The following CPT1C variants were observed in gnomAD, a reference collection of about 807,000 sequenced individuals.
CPT1C encodes carnitine palmitoyltransferase 1C.
In CPT1C, 61 loss-of-function variants were observed where a neutral mutation model predicts 97.3. The ratio of observed to expected loss-of-function variants is 0.63; its 90% confidence interval spans 0.51 to 0.78. The LOEUF (loss-of-function observed/expected upper bound fraction) is 0.78. Among genes scored for constraint, CPT1C ranks in the 30% least tolerant of loss-of-function variants. The pLI, the probability that CPT1C is intolerant of heterozygous loss-of-function variation, is 0.00. For synonymous variants in CPT1C, 469 were observed against 447.2 expected, an observed-to-expected ratio of 1.05 and a Z score of -0.61; for missense variants, 975 against 1,065.5, an observed-to-expected ratio of 0.92 and a Z score of 1.18.
At chr19:49,700,264 A>AC (rs1555777714) in intron 4 of CPT1C, among the ~76,000 whole-genome samples, 1 of 105,796 alleles carries the variant, frequency 9.5e-6, no homozygotes, top group African/African-American at 3.7e-5. Context: ...AAACAAAACA[A>AC]AAAAAAAAAC....
Position 49,712,840 on chromosome 19 carries a change from A to G in CPT1C, c.2124A>G (p.Gly708=), listed in dbSNP as rs1313819270. 1.3e-6 allele frequency: 2 copies of G among 1,568,566 alleles called. No individual in the cohort carries two copies. Among genetic ancestry groups the G allele is most frequent in the Non-Finnish European group, 1.7e-6 (2 of 1,165,700 alleles). The change falls in exon 18 of 20, where the codon GGA becomes GGG. Residue 708 remains glycine, a synonymous_variant. Transcript: ENST00000598293. ...NYPDYVSSGG[G]FGPADDHGYG... ...CGGACTATGTTTCCTCAGGCGGTGGATTCGGGCCTGTGAGTGGAGCTGGGC... is the reference window on the plus strand; with the variant it reads ...CGGACTATGTTTCCTCAGGCGGTGGGTTCGGGCCTGTGAGTGGAGCTGGGC...
rs771545088 is a variant in CPT1C, at chr19:49,700,802, G to A, written c.400G>A (p.Gly134Ser). 12 of 1,613,326 alleles carry A rather than the reference G, an allele frequency of 7.4e-6. No individual in the cohort carries two copies. The highest frequency in any genetic ancestry group is 2.2e-5 in the South Asian group (2 of 91,090). ...VALRLLLSYH[G>S]WLLEPHGAMS... ...CCTGAGGCTGCTTCTGTCCTACCAC[G>A]GCTGGCTTCTTGAGCCCCACGGAGC... The change falls in exon 5 of 20, where the codon GGC becomes AGC. Residue 134 changes from glycine to serine, a missense_variant. By Grantham distance (56) the Gly-to-Ser change is moderately conservative. Coordinates refer to ENST00000598293, the MANE Select transcript of CPT1C (RefSeq NM_001199753.2).
chr19:49,712,408 G>C (rs918757269), intron 17 of CPT1C: 1 of 386,834 alleles, frequency 2.6e-6, no homozygotes, highest in South Asian at 3.1e-5. Flanking sequence ...TCAGTTGTGG[G>C]GGGGCGGCAA....
intron 4 of CPT1C, among the ~76,000 whole-genome samples, chr19:49,700,065 G>A (rs935923292): frequency 6.6e-6 from 1 of 151,212 alleles, no homozygotes; most frequent in African/African-American, 2.4e-5. Context: ...GGCTAACACG[G>A]TGAAACCTCA....
intron 7 of CPT1C, among the ~76,000 whole-genome samples, chr19:49,701,919 T>A (rs1255341886): frequency 1.8e-5 from 2 of 110,364 alleles, no homozygotes; most frequent in South Asian, 4.9e-4. Context: ...TTTATATTTA[T>A]ATACAAATAT....
intron 17 of CPT1C, chr19:49,712,272 A>C: frequency 2.9e-6 from 1 of 344,494 alleles, no homozygotes; most frequent in Non-Finnish European, 5.4e-6. Flanking sequence ...TGAACCCGGG[A>C]GGCGGAGGCT....
In CPT1C at chr19:49,707,084, G is replaced by A. The variant is rs142803403; in HGVS notation, c.1344-434G>A. Among the ~76,000 whole-genome samples the A allele has an allele frequency of 7.7e-3, 1,177 of 152,150 alleles. 11 individuals are homozygous for A. Among genetic ancestry groups the A allele is most frequent in the African/African-American group, 0.027 (1,128 of 41,502 alleles). ...GAGATCAGGAGTTTGAGACCAGCCT[G>A]GCCAATATGGTGAAACCTCATCTCC... On this transcript the variant is annotated intron_variant, in intron 12 of 19. Coordinates refer to ENST00000598293, the MANE Select transcript of CPT1C (RefSeq NM_001199753.2).
intron 16 of CPT1C, 151 bp downstream of exon 16, chr19:49,711,008 A>T (rs1011333850): frequency 1.1e-4 from 78 of 738,946 alleles, no homozygotes; most frequent in Admixed American, 1.8e-4. Flanking sequence ...CAAAGAGCTC[A>T]CTGATGGGGG....
At chr19:49,713,263 G>A (rs1479478633) in intron 19 of CPT1C, 157 bp from the exon 20 acceptor site, 1 of 767,048 alleles carries the variant, frequency 1.3e-6, no homozygotes, top group Admixed American at 2.9e-5. Context: ...AGACCCGGGA[G>A]TCCAGGCCCC....
intron 3 of CPT1C, among the ~76,000 whole-genome samples, chr19:49,696,806 T>A (rs560030454): frequency 1.1e-4 from 17 of 152,012 alleles, no homozygotes; most frequent in Non-Finnish European, 2.2e-4. Context: ...CTAATTTTTG[T>A]ATTTTTACTA....
chr19:49,708,112 C>CT (rs374606034), intron 13 of CPT1C, among the ~76,000 whole-genome samples: 2 of 151,690 alleles, frequency 1.3e-5, no homozygotes, highest in African/African-American at 4.8e-5. Flanking sequence ...GAGGACCTTC[C>CT]TTTGATGAGT....
intron 7 of CPT1C, 71 bp downstream of exon 7, chr19:49,701,705 G>T: frequency 2.0e-6 from 3 of 1,475,592 alleles, no homozygotes; most frequent in Non-Finnish European, 2.7e-6. Flanking sequence ...CTAAACTTGC[G>T]AGTTATACGC....
chr19:49,713,008 A>C lies in CPT1C; in HGVS notation c.2170A>C (p.Met724Leu). Residue 724 changes from methionine (M) to leucine (L), a missense_variant, in exon 19 of 20, where the codon ATG (methionine) becomes CTG (leucine). Physicochemically the swap from Met to Leu is conservative, Grantham distance 15. Coordinates refer to ENST00000598293, the MANE Select transcript of CPT1C (RefSeq NM_001199753.2). Reference protein sequence around the residue: ...DHGYGVSYIFMGDGMITFHIS... With the variant: ...DHGYGVSYIFLGDGMITFHIS... ...TGGTTATGGTGTTTCTTATATCTTC[A>C]TGGGGGATGGCATGATCACCTTCCA... 6.2e-7 allele frequency: 1 copy of C among 1,613,998 alleles called. No homozygotes were observed.
At position 49,699,457 on chromosome 19, in the gene CPT1C, T is replaced by TAAAAAAAAA. The variant is rs71180647; in HGVS notation, c.282-1201_282-1193dup. On this transcript the variant is annotated intron_variant, in intron 4 of 19. Coordinates refer to ENST00000598293, the MANE Select transcript of CPT1C (RefSeq NM_001199753.2). ...TGGGCAACATAGAGACCCCTGTCTC[T>TAAAAAAAAA]AAAAAAAAAAAAAAAAAAAAAAAAA... 2.8e-4 allele frequency among the ~76,000 whole-genome samples: 10 copies of TAAAAAAAAA among 35,292 alleles called. 2 individuals are homozygous for TAAAAAAAAA. The highest frequency in any genetic ancestry group is 5.4e-4 in the Non-Finnish European group (10 of 18,416). 23.2% of individuals were successfully genotyped at this position (35,292 alleles called of 152,430 possible). A position where few individuals can be genotyped will look rare whatever the true frequency, so the allele number is the denominator to read the frequency against.
chr19:49,712,695 C>T, intron 17 of CPT1C, 41 bp from the exon 18 acceptor site: 1 of 1,462,838 alleles, frequency 6.8e-7, no homozygotes, highest in Non-Finnish European at 9.6e-7. Flanking sequence ...GCCGGAACTG[C>T]AGATCTCTGT....
At chr19:49,698,901 G>A (rs1242906242) in intron 4 of CPT1C, among the ~76,000 whole-genome samples, 1 of 151,918 alleles carries the variant, frequency 6.6e-6, no homozygotes, top group Non-Finnish European at 1.5e-5. Context: ...TCAGGAGCTT[G>A]AGACCAGTCT....
At chr19:49,697,222 C>G in intron 3 of CPT1C, 104 bp from the exon 4 acceptor site, 1 of 1,459,752 alleles carries the variant, frequency 6.9e-7, no homozygotes. Flanking sequence ...GAGCCTCCAG[C>G]TCAGGGCTCC....
chr19:49,707,368 G>T (rs1035450401), intron 12 of CPT1C, 150 bp from the exon 13 acceptor site: 8 of 623,588 alleles, frequency 1.3e-5, no homozygotes, highest in Non-Finnish European at 2.0e-5. Flanking sequence ...CACTACTGGG[G>T]ACCCCCAATG....
At chr19:49,695,283 T>A (rs1003109675) in intron 3 of CPT1C, among the ~76,000 whole-genome samples, 2 of 150,122 alleles carry the variant, frequency 1.3e-5, no homozygotes, top group African/African-American at 2.5e-5. Flanking sequence ...GCACAATTTT[T>A]TTTTTTTTTT....
Sources: gnomAD v4.1 joint callset for allele counts (sites outside exome capture counted in the v4.1 genomes callset) on GRCh38, gnomAD v4.1.1 for gene constraint, MANE v1.5 for transcripts, NCBI Gene and HGNC (gene_info 2026-07-23, HGNC 2026-07-21) for gene names.